The following PRPF3 variants were observed in gnomAD, a reference collection of about 807,000 sequenced individuals.
PRPF3 encodes the protein pre-mRNA processing factor 3, also known as U4/U6 small nuclear ribonucleoprotein Prp3.
A neutral mutation model predicts 89.2 loss-of-function variants in PRPF3; 3 were observed. The observed-to-expected ratio is 0.03, with a 90% CI of 0.02 to 0.09. PRPF3 has a LOEUF of 0.09. Ranked by LOEUF, PRPF3 falls within the 10% of genes least tolerant of loss-of-function variation. The pLI is 1.00. For synonymous variants in PRPF3, 270 were observed against 289.1 expected (o/e 0.93, Z 0.67); for missense variants, 463 against 828.8 (o/e 0.56, Z 5.42).
chr1:150,334,728 C>T (rs587628513), intron 6 of PRPF3, among the ~76,000 whole-genome samples: 5 of 152,138 alleles, frequency 3.3e-5, no homozygotes, highest in African/African-American at 1.2e-4. Flanking sequence ...TGCCACCGCA[C>T]CCAGCTAATT....
intron 3 of PRPF3, chr1:150,327,959 G>A (rs1553864275): frequency 3.3e-6 from 1 of 305,716 alleles, no homozygotes; most frequent in African/African-American, 2.2e-5. Flanking sequence ...TAATCAGAGT[G>A]GGATAGGTTA....
At chr1:150,340,119 A>G (rs1553869864) in intron 8 of PRPF3, among the ~76,000 whole-genome samples, 2 of 152,146 alleles carry the variant, frequency 1.3e-5, no homozygotes, top group African/African-American at 4.8e-5. Flanking sequence ...TATTGTCACT[A>G]ATGAGAGAAC....
intron 4 of PRPF3, 57 bp from the exon 5 acceptor site, chr1:150,332,627 A>C: frequency 9.7e-6 from 15 of 1,553,800 alleles, no homozygotes; most frequent in Non-Finnish European, 1.3e-5. Flanking sequence ...AAAAACCTGA[A>C]TGGGAGAAGT....
chr1:150,350,136 TC>T (rs746228661), intron 15 of PRPF3, among the ~76,000 whole-genome samples: 1 of 151,862 alleles, frequency 6.6e-6, no homozygotes, highest in Non-Finnish European at 1.5e-5. Flanking sequence ...CCTCAGGTGA[TC>T]CGCCTGCCTC....
chr1:150,339,737 G>GTT (rs71578484), intron 8 of PRPF3, among the ~76,000 whole-genome samples: 6,759 of 109,648 alleles, frequency 0.062, 341 homozygotes, highest in Non-Finnish European at 0.095. Context: ...CACGCCTGGC[G>GTT]TTTTTTTTTT....
upstream of PRPF3, chr1:150,321,485 G>A (rs1316360488): frequency 1.3e-5 from 2 of 152,826 alleles, no homozygotes; most frequent in Admixed American, 6.5e-5. Context: ...GGGAGACAGC[G>A]GCGTGGCGGC....
At chr1:150,329,089 G>A (rs2101957634) in intron 4 of PRPF3, among the ~76,000 whole-genome samples, 1 of 148,808 alleles carries the variant, frequency 6.7e-6, no homozygotes, top group Non-Finnish European at 1.5e-5. Context: ...GAGTGTAGTG[G>A]CGTGATCTCA....
intron 15 of PRPF3, among the ~76,000 whole-genome samples, chr1:150,351,536 T>TA: frequency 6.6e-6 from 1 of 151,980 alleles, no homozygotes; most frequent in East Asian, 1.9e-4. Flanking sequence ...GGTCTTGCTC[T>TA]ATTGCTCAGG....
chr1:150,352,588 C>A (rs1191497838), intron 15 of PRPF3, among the ~76,000 whole-genome samples: 1 of 152,136 alleles, frequency 6.6e-6, no homozygotes, highest in East Asian at 1.9e-4. Flanking sequence ...TGGTGTGAAC[C>A]CGGGAGGCGG....
intron 15 of PRPF3, 111 bp from the exon 16 acceptor site, chr1:150,352,722 C>T (rs1659068664): frequency 1.7e-6 from 2 of 1,205,712 alleles, no homozygotes; most frequent in Non-Finnish European, 2.4e-6. Context: ...ACCATAAAAT[C>T]ACGTTCAGCT....
At chr1:150,336,748 T>G (rs948890638) in intron 7 of PRPF3, among the ~76,000 whole-genome samples, 6 of 151,590 alleles carry the variant, frequency 4.0e-5, no homozygotes, top group African/African-American at 1.5e-4. Flanking sequence ...AGAGCGAAAC[T>G]CCGTCTCAAA....
intron 2 of PRPF3, 94 bp from the exon 3 acceptor site, chr1:150,325,657 G>C (rs1178403863): frequency 6.6e-6 from 10 of 1,508,776 alleles, no homozygotes; most frequent in Non-Finnish European, 9.1e-6. Flanking sequence ...TCACTCCTGG[G>C]AATAAAATTC....
chr1:150,332,616 TAA>T lies in PRPF3; in HGVS notation c.424-64_424-63del, dbSNP rs587658001. The T allele has an allele frequency of 1.7e-5, 26 of 1,520,918 alleles. No homozygotes were observed. The African/African-American group carries it at 3.1e-4, about 18-fold the overall frequency. The allele number at this position is 1,520,918 out of a possible 1,614,324, so 94.2% of individuals were successfully genotyped here. ...TCTAGACCTGAGAGCCTTGTGGGTT[TAA>T]AAACCTGAATGGGAGAAGTAAGAAG... On this transcript the variant is annotated intron_variant, in intron 4 of 15. Coordinates refer to ENST00000324862, the MANE Select transcript of PRPF3 (RefSeq NM_004698.4).
At chr1:150,322,943 C>T (rs1553862554) in intron 1 of PRPF3, among the ~76,000 whole-genome samples, 2 of 150,214 alleles carry the variant, frequency 1.3e-5, no homozygotes, top group Admixed American at 1.3e-4. Flanking sequence ...GGTGCGATCT[C>T]GGCTCACTGC....
chr1:150,346,552 G>C, intron 14 of PRPF3, 61 bp downstream of exon 14: 1 of 1,483,148 alleles, frequency 6.7e-7, no homozygotes, highest in Non-Finnish European at 9.4e-7. Context: ...TGGTGCATCT[G>C]TCCGTTCATC....
intron 14 of PRPF3, among the ~76,000 whole-genome samples, chr1:150,348,460 ATTT>A (rs1185909509): frequency 6.8e-4 from 33 of 48,462 alleles, no homozygotes; most frequent in South Asian, 1.6e-3. Flanking sequence ...CTACACGTGC[ATTT>A]TTTTTTTTTT....
At chr1:150,349,052 A>T in intron 14 of PRPF3, 105 bp from the exon 15 acceptor site, 1 of 955,402 alleles carries the variant, frequency 1.0e-6, no homozygotes, top group Non-Finnish European at 1.7e-6. Flanking sequence ...TTGGTCCAAC[A>T]CATAAAAAGG....
chr1:150,342,946 G>A (rs1657923094), intron 9 of PRPF3, among the ~76,000 whole-genome samples: 3 of 152,182 alleles, frequency 2.0e-5, no homozygotes, highest in Admixed American at 2.0e-4. Context: ...TAGAATTACA[G>A]GCATAAGCCA....
chr1:150,326,555 A>T (rs1228661600), intron 3 of PRPF3, among the ~76,000 whole-genome samples: 1 of 152,070 alleles, frequency 6.6e-6, no homozygotes, highest in African/African-American at 2.4e-5. Flanking sequence ...TAGGAGAAAA[A>T]AAAAAGTTCT....
Sources: allele counts gnomAD v4.1 joint callset (sites outside exome capture counted in the v4.1 genomes callset), GRCh38; gene constraint gnomAD v4.1.1; transcripts MANE v1.5; gene names NCBI Gene and HGNC (gene_info 2026-07-23, HGNC 2026-07-21).